The following FZD6 variants were observed in gnomAD, a reference collection of about 807,000 sequenced individuals.
The protein encoded by FZD6 is frizzled class receptor 6, also known as frizzled-6.
Under a neutral mutation model 61.4 loss-of-function variants are expected in FZD6, and 49 were observed. The observed-to-expected ratio is 0.80, with a 90% CI of 0.63 to 1.01. FZD6 has a LOEUF of 1.01. Ranked by LOEUF, FZD6 falls within the 50% of genes least tolerant of loss-of-function variation. The pLI, the probability that FZD6 is intolerant of heterozygous loss-of-function variation, is 0.00. For missense variants in FZD6, 724 were observed against 848.2 expected (o/e 0.85, Z 1.82); for synonymous variants, 265 against 292.2 (o/e 0.91, Z 0.95).
At chr8:103,306,530 G>A (rs1395596418) in intron 2 of FZD6, among the ~76,000 whole-genome samples, 1 of 106,296 alleles carries the variant, frequency 9.4e-6, no homozygotes, top group East Asian at 3.2e-4. Flanking sequence ...TTGAGACAGA[G>A]TCTCGTTCTG....
chr8:103,299,475 C>T (rs1254256435), intron 1 of FZD6, among the ~76,000 whole-genome samples: 2 of 152,164 alleles, frequency 1.3e-5, no homozygotes, highest in Non-Finnish European at 2.9e-5. Context: ...CTCTAGTTGG[C>T]CTTACGAAAA....
chr8:103,315,092 T>C (rs912738545), intron 2 of FZD6, among the ~76,000 whole-genome samples: 3 of 152,196 alleles, frequency 2.0e-5, no homozygotes, highest in African/African-American at 7.2e-5. Context: ...ATTTGTTTTT[T>C]ACCTTTAAAC....
chr8:103,325,371 G>A lies in FZD6; in HGVS notation c.1265G>A (p.Gly422Asp). ...KFMIRIGVFS[G>D]LYLVPLVTLL... Reference sequence around the variant, plus strand: ...ATGATTCGAATTGGAGTCTTCAGCGGCTTGTATCTTGTGCCATTAGTGACA... The same window carrying A: ...ATGATTCGAATTGGAGTCTTCAGCGACTTGTATCTTGTGCCATTAGTGACA... Residue 422 changes from glycine (G) to aspartate (D), a missense_variant, in exon 4 of 7, where the codon GGC becomes GAC. Transcript: ENST00000358755. 8 of 1,614,020 alleles carry A rather than the reference G, an allele frequency of 5.0e-6. No individual in the cohort carries two copies. The South Asian group carries it at 7.7e-5, about 16-fold the overall frequency.
intron 2 of FZD6, among the ~76,000 whole-genome samples, chr8:103,305,013 A>G: frequency 6.6e-6 from 1 of 152,242 alleles, no homozygotes; most frequent in South Asian, 2.1e-4. Context: ...ACAATTCTGC[A>G]TAGTAACGGG....
intron 5 of FZD6, among the ~76,000 whole-genome samples, chr8:103,329,013 T>TTTTATATATATA (rs143400765): frequency 2.6e-5 from 3 of 115,176 alleles, no homozygotes; most frequent in East Asian, 3.0e-4. Context: ...CATTTTAGTT[T>TTTTATATATATA]TATATATATA....
chr8:103,319,282 T>C (rs1182854039), intron 3 of FZD6, among the ~76,000 whole-genome samples: 1 of 152,052 alleles, frequency 6.6e-6, no homozygotes, highest in Non-Finnish European at 1.5e-5. Flanking sequence ...GAGCATGGCA[T>C]ATACAGGGAA....
chr8:103,323,721 G>A (rs1036873321), intron 3 of FZD6, among the ~76,000 whole-genome samples: 3 of 152,120 alleles, frequency 2.0e-5, no homozygotes, highest in Non-Finnish European at 2.9e-5. Flanking sequence ...ATGAGCCACC[G>A]TACCTGGCCA....
At chr8:103,330,623 A>G (rs1489076173) in intron 6 of FZD6, among the ~76,000 whole-genome samples, 2 of 152,142 alleles carry the variant, frequency 1.3e-5, no homozygotes, top group African/African-American at 4.8e-5. Context: ...GGCAGCTTTC[A>G]TATATTTGGA....
chr8:103,312,519 T>A (rs547154438), intron 2 of FZD6, among the ~76,000 whole-genome samples: 30 of 152,354 alleles, frequency 2.0e-4, no homozygotes, highest in Non-Finnish European at 3.8e-4. Context: ...ACGTGCTAAA[T>A]CCTAGTTTAA....
chr8:103,307,302 T>G (rs915909768), intron 2 of FZD6, among the ~76,000 whole-genome samples: 2 of 50,808 alleles, frequency 3.9e-5, no homozygotes, highest in South Asian at 1.3e-3. Flanking sequence ...CATTATCATA[T>G]TATTATAGCA....
At chr8:103,323,081 A>AT (rs1489630336) in intron 3 of FZD6, among the ~76,000 whole-genome samples, 4 of 152,236 alleles carry the variant, frequency 2.6e-5, no homozygotes, top group Non-Finnish European at 5.9e-5. Context: ...AGCATGCTAT[A>AT]TACAGCATGG....
intron 2 of FZD6, among the ~76,000 whole-genome samples, chr8:103,309,994 T>C (rs1328802806): frequency 6.6e-6 from 1 of 152,152 alleles, no homozygotes; most frequent in East Asian, 1.9e-4. Flanking sequence ...GTTGAGACAT[T>C]GAAGACTGGT....
chr8:103,313,464 T>A (rs1488801360), intron 2 of FZD6, among the ~76,000 whole-genome samples: 1 of 152,186 alleles, frequency 6.6e-6, no homozygotes, highest in Non-Finnish European at 1.5e-5. Flanking sequence ...AGGTCACTGG[T>A]AGCAAAGGGG....
At chr8:103,311,275 C>T (rs961498867) in intron 2 of FZD6, among the ~76,000 whole-genome samples, 6 of 152,128 alleles carry the variant, frequency 3.9e-5, no homozygotes, top group South Asian at 2.1e-4. Context: ...TTGCATAACC[C>T]TCTCCCCAGG....
chr8:103,320,703 G>A (rs183517246), intron 3 of FZD6, among the ~76,000 whole-genome samples: 11 of 152,228 alleles, frequency 7.2e-5, no homozygotes, highest in African/African-American at 2.6e-4. Flanking sequence ...GTGTGTACTT[G>A]CAGGTTGTGG....
intron 2 of FZD6, among the ~76,000 whole-genome samples, chr8:103,301,026 C>T (rs1290516848): frequency 6.6e-6 from 1 of 152,154 alleles, no homozygotes; most frequent in South Asian, 2.1e-4. Context: ...GGAAACTAGA[C>T]ACATGCATTG....
intron 6 of FZD6, among the ~76,000 whole-genome samples, 170 bp from the exon 7 acceptor site, chr8:103,331,169 ACT>A (rs749130178): frequency 3.1e-5 from 4 of 131,076 alleles, no homozygotes; most frequent in Non-Finnish European, 6.4e-5. Context: ...ACAGAGTGAG[ACT>A]CTGTCTCAAA....
intron 2 of FZD6, among the ~76,000 whole-genome samples, chr8:103,317,687 G>A (rs1193262195): frequency 5.9e-5 from 9 of 152,036 alleles, no homozygotes; most frequent in East Asian, 1.9e-4. Context: ...TTAGCCGGGC[G>A]TAGTGGCATG....
intron 3 of FZD6, among the ~76,000 whole-genome samples, chr8:103,322,372 TA>T (rs11423905): frequency 0.019 from 2,333 of 124,560 alleles, 51 homozygotes; most frequent in African/African-American, 0.054. Flanking sequence ...CAGTCTCCAT[TA>T]AAAAAAAAAA....
Sources: gnomAD v4.1 joint callset for allele counts (sites outside exome capture counted in the v4.1 genomes callset) on GRCh38, gnomAD v4.1.1 for gene constraint, MANE v1.5 for transcripts, NCBI Gene and HGNC (gene_info 2026-07-23, HGNC 2026-07-21) for gene names.